PRKCH: variants seen among roughly 807,000 people sequenced by gnomAD.
PRKCH encodes protein kinase C eta type.
In PRKCH, 28 loss-of-function variants were observed where a neutral mutation model predicts 82.5. The observed-to-expected ratio is 0.34, with a 90% CI of 0.25 to 0.47. PRKCH has a LOEUF of 0.47. PRKCH is among the 20% of genes least tolerant of loss of function. The pLI is 1.00. For missense variants in PRKCH, 705 were observed against 881.8 expected (o/e 0.80, Z 2.54); for synonymous variants, 322 against 327.4 (o/e 0.98, Z 0.18).
intron 9 of PRKCH, among the ~76,000 whole-genome samples, chr14:61,470,826 G>C (rs377195875): frequency 6.6e-6 from 1 of 151,946 alleles, no homozygotes; most frequent in Non-Finnish European, 1.5e-5. Flanking sequence ...CAAAAGAGGA[G>C]ATCCCTGCTA....
At chr14:61,310,716 C>A (rs1291003067) in intron 1 of PRKCH, among the ~76,000 whole-genome samples, 1 of 152,248 alleles carries the variant, frequency 6.6e-6, no homozygotes, top group African/African-American at 2.4e-5. Context: ...CCAATGGGGA[C>A]TCTGTGTGGG....
intron 1 of PRKCH, among the ~76,000 whole-genome samples, chr14:61,380,927 C>T (rs1053486842): frequency 1.1e-4 from 17 of 152,068 alleles, no homozygotes; most frequent in Non-Finnish European, 2.9e-5. Flanking sequence ...CCTGGGGGTA[C>T]TGGGATCTGA....
intron 1 of PRKCH, among the ~76,000 whole-genome samples, chr14:61,194,749 T>C (rs148470119): frequency 1.9e-4 from 29 of 152,324 alleles, no homozygotes; most frequent in Admixed American, 5.2e-4. Flanking sequence ...TTTATTTATT[T>C]AGAGATGGAG....
In PRKCH at chr14:61,445,737, A is replaced by G. The variant is rs1884188625; in HGVS notation, c.613+11A>G. On this transcript the variant is annotated intron_variant, in intron 4 of 13. Coordinates refer to ENST00000332981, the MANE Select transcript of PRKCH (RefSeq NM_006255.5). ...GTTATCAGTGCCAAGGTAAGGAAAC[A>G]TTTTTAAAACCATGTTTCATTTTGT... is the stretch of plus-strand genomic sequence containing the variant. 6.2e-7 allele frequency: 1 copy of G among 1,602,266 alleles called. No homozygotes were observed. Among genetic ancestry groups the G allele is most frequent in the Middle Eastern group, 1.7e-4 (1 of 6,048 alleles).
chr14:61,248,005 G>A (rs1053371982), intron 1 of PRKCH, among the ~76,000 whole-genome samples: 8 of 152,280 alleles, frequency 5.3e-5, no homozygotes, highest in Admixed American at 2.6e-4. Flanking sequence ...ATCATCCAGT[G>A]TCATTTCACA....
intron 9 of PRKCH, among the ~76,000 whole-genome samples, chr14:61,470,604 T>C (rs1187935183): frequency 6.6e-6 from 1 of 152,138 alleles, no homozygotes; most frequent in African/African-American, 2.4e-5. Flanking sequence ...GAGTTCCTGT[T>C]TCCTTTCTGT....
chr14:61,420,028 C>A (rs12590371), intron 2 of PRKCH, among the ~76,000 whole-genome samples: 87,680 of 152,016 alleles, frequency 0.58, 28,153 homozygotes, highest in Non-Finnish European at 0.73. Flanking sequence ...ATTCAGTGGC[C>A]CTGGCCCTGC....
intron 12 of PRKCH, among the ~76,000 whole-genome samples, chr14:61,542,995 G>A (rs184347126): frequency 1.6e-4 from 24 of 152,310 alleles, no homozygotes; most frequent in Admixed American, 1.6e-3. Context: ...TCATGTTAGA[G>A]TTGAGAAATC....
chr14:61,446,368 G>C (rs1884225510), intron 4 of PRKCH, among the ~76,000 whole-genome samples: 1 of 152,246 alleles, frequency 6.6e-6, no homozygotes, highest in South Asian at 2.1e-4. Flanking sequence ...GGCCCATCAG[G>C]CTTGCCTGTC....
chr14:61,513,032 T>C (rs745686398), intron 10 of PRKCH, among the ~76,000 whole-genome samples: 1 of 152,112 alleles, frequency 6.6e-6, no homozygotes, highest in Non-Finnish European at 1.5e-5. Context: ...TTGCCCAAGC[T>C]GACACTTACA....
chr14:61,322,035 G>T lies in PRKCH; in HGVS notation c.-67G>T. 1 of 1,470,678 alleles carries T rather than the reference G, an allele frequency of 6.8e-7. No individual in the cohort carries two copies. The highest frequency in any genetic ancestry group is 1.4e-5 in the South Asian group (1 of 72,970). 91.1% of individuals were successfully genotyped at this position (1,470,678 alleles called of 1,614,324 possible). A position where few individuals can be genotyped will look rare whatever the true frequency, so the allele number is the denominator to read the frequency against. On this transcript the variant is annotated 5_prime_UTR_variant, in exon 1 of 14. Coordinates refer to ENST00000332981, the MANE Select transcript of PRKCH (RefSeq NM_006255.5). ...GCACCTGTCCCGAGGGCTGGCCTGAGACGGGACTCCCGGTTCTCCCGCTGC... is the reference window on the plus strand; with the variant it reads ...GCACCTGTCCCGAGGGCTGGCCTGATACGGGACTCCCGGTTCTCCCGCTGC...
At chr14:61,286,371 T>G (rs1264777818) in intron 1 of PRKCH, among the ~76,000 whole-genome samples, 1 of 152,222 alleles carries the variant, frequency 6.6e-6, no homozygotes, top group African/African-American at 2.4e-5. Context: ...TAGTGGAAGA[T>G]GCAGAGAAAC....
intron 10 of PRKCH, among the ~76,000 whole-genome samples, chr14:61,515,317 A>T (rs753711925): frequency 7.2e-5 from 11 of 152,186 alleles, no homozygotes; most frequent in Non-Finnish European, 1.5e-4. Flanking sequence ...TTCTCCAGCC[A>T]CTGTGGTGGT....
intron 12 of PRKCH, among the ~76,000 whole-genome samples, chr14:61,534,890 A>G (rs975521410): frequency 3.9e-5 from 6 of 152,222 alleles, no homozygotes; most frequent in Non-Finnish European, 5.9e-5. Context: ...AATGCACGAT[A>G]CAAGAGTAAG....
chr14:61,404,793 G>A (rs1178639813), intron 2 of PRKCH, among the ~76,000 whole-genome samples: 2 of 152,194 alleles, frequency 1.3e-5, no homozygotes, highest in Non-Finnish European at 2.9e-5. Flanking sequence ...AAGGGAGGGA[G>A]TGGACCTTGA....
intron 9 of PRKCH, among the ~76,000 whole-genome samples, chr14:61,476,089 T>C (rs1478336075): frequency 6.6e-6 from 1 of 152,182 alleles, no homozygotes; most frequent in Non-Finnish European, 1.5e-5. Context: ...CCACAAACTG[T>C]TTTAACTATG....
chr14:61,247,946 T>C (rs1176065617), intron 1 of PRKCH, among the ~76,000 whole-genome samples: 2 of 152,034 alleles, frequency 1.3e-5, no homozygotes, highest in Non-Finnish European at 2.9e-5. Context: ...TTTTCTATAA[T>C]TCTAAAATGG....
At chr14:61,322,743 C>A in intron 1 of PRKCH, 1 of 367,764 alleles carries the variant, frequency 2.7e-6, no homozygotes, top group Admixed American at 4.1e-5. Flanking sequence ...GGCGGTCACC[C>A]TTTCCGCCCA....
At chr14:61,430,369 G>A (rs1344150226) in intron 2 of PRKCH, among the ~76,000 whole-genome samples, 1 of 152,142 alleles carries the variant, frequency 6.6e-6, no homozygotes, top group African/African-American at 2.4e-5. Context: ...AGTTCAAAAT[G>A]GTACAACCGC....
Sources: allele counts gnomAD v4.1 joint callset (sites outside exome capture counted in the v4.1 genomes callset), GRCh38; gene constraint gnomAD v4.1.1; transcripts MANE v1.5; gene names NCBI Gene and HGNC (gene_info 2026-07-23, HGNC 2026-07-21).